Variants in PVT1 observed in about 807,000 individuals in gnomAD.
PVT1 encodes the protein CXCR4/PVT1 fusion.
At chr8:127,977,469 C>T (rs1284891555) in intron 3 of PVT1, among the ~76,000 whole-genome samples, 1 of 152,198 alleles carries the variant, frequency 6.6e-6, no homozygotes, top group Non-Finnish European at 1.5e-5. Flanking sequence ...TGGTGGTTCA[C>T]ACCTGTAATC....
At chr8:127,889,696 T>G (rs1317486760) in intron 2 of PVT1, among the ~76,000 whole-genome samples, 2 of 152,168 alleles carry the variant, frequency 1.3e-5, no homozygotes, top group East Asian at 3.8e-4. Context: ...GGAGACAGAC[T>G]GTCTAGCTTC....
intron 3 of PVT1, among the ~76,000 whole-genome samples, chr8:127,920,527 T>C (rs1174445988): frequency 6.6e-5 from 10 of 152,238 alleles, no homozygotes; most frequent in Non-Finnish European, 1.3e-4. Flanking sequence ...AATGAATTAG[T>C]ACGTTTAAAG....
At chr8:127,953,688 AC>A (rs1215440937) in intron 3 of PVT1, among the ~76,000 whole-genome samples, 1 of 152,186 alleles carries the variant, frequency 6.6e-6, no homozygotes, top group Non-Finnish European at 1.5e-5. Context: ...TTGGGCTGAA[AC>A]CCAGATCTCC....
Position 128,072,234 on chromosome 8 carries a change from G to A in PVT1, n.1114+1873G>A, listed in dbSNP as rs1432582338. 2.0e-5 allele frequency among the ~76,000 whole-genome samples: 3 copies of A among 151,856 alleles called. No individual in the cohort carries two copies. The East Asian group carries it at 5.8e-4, about 29-fold the overall frequency. ...AGAATCAATTTTCAGGTGAAGACTCGGTGACAAAGACCACAAAGACATAGT... is the reference window on the plus strand; with the variant it reads ...AGAATCAATTTTCAGGTGAAGACTCAGTGACAAAGACCACAAAGACATAGT... On this transcript the variant is annotated intron_variant and non_coding_transcript_variant, in intron 5 of 10. Coordinates refer to ENST00000651587, the Ensembl canonical transcript of PVT1.
At chr8:127,798,804 A>AGAC (rs1201928434) in intron 2 of PVT1, among the ~76,000 whole-genome samples, 1 of 151,336 alleles carries the variant, frequency 6.6e-6, no homozygotes, top group South Asian at 2.1e-4. Flanking sequence ...TGAACCCGGG[A>AGAC]GACGGAGTTT....
intron 3 of PVT1, among the ~76,000 whole-genome samples, chr8:127,942,112 A>G (rs537019674): frequency 5.9e-5 from 9 of 152,140 alleles, no homozygotes; most frequent in Admixed American, 1.3e-4. Context: ...AACTCCCTGC[A>G]TGTGGCTCTT....
intron 3 of PVT1, among the ~76,000 whole-genome samples, chr8:127,944,955 A>G (rs1816401674): frequency 6.6e-6 from 1 of 152,200 alleles, no homozygotes; most frequent in African/African-American, 2.4e-5. Context: ...GGCAAAGGAC[A>G]TAGAAAAGCT....
intron 4 of PVT1, among the ~76,000 whole-genome samples, chr8:128,046,431 G>A (rs990883467): frequency 5.3e-5 from 8 of 152,234 alleles, no homozygotes; most frequent in South Asian, 2.1e-4. Flanking sequence ...GCCTGGCTCC[G>A]TAGGCCTCTG....
chr8:128,078,309 C>T (rs2648888), intron 5 of PVT1, among the ~76,000 whole-genome samples: 40,266 of 152,020 alleles, frequency 0.26, 5,720 homozygotes, highest in East Asian at 0.47. Flanking sequence ...CTTAAACTCC[C>T]CTCCTTGTTC....
rs765617313 is a variant in PVT1, at chr8:127,872,370, G to A, written n.373-18219G>A. On this transcript the variant is annotated intron_variant and non_coding_transcript_variant, in intron 2 of 10. Coordinates refer to ENST00000651587, the Ensembl canonical transcript of PVT1. ...GGAGATTGCAGTGAGCTGAGATTGC[G>A]CCACTGCACTCCAGCCTGGGTGGCA... is the stretch of plus-strand genomic sequence containing the variant. Among the ~76,000 whole-genome samples, 23 of 152,282 alleles carry A rather than the reference G, an allele frequency of 1.5e-4. 1 individual carries two copies. The highest frequency in any genetic ancestry group is 3.4e-3 in the Middle Eastern group (1 of 294).
At chr8:127,978,756 G>T (rs1816850759) in intron 3 of PVT1, among the ~76,000 whole-genome samples, 1 of 152,150 alleles carries the variant, frequency 6.6e-6, no homozygotes, top group African/African-American at 2.4e-5. Context: ...AAAGTGCTGG[G>T]ATTACAGGTG....
intron 2 of PVT1, among the ~76,000 whole-genome samples, chr8:127,839,270 G>C (rs1323382325): frequency 6.6e-6 from 1 of 152,124 alleles, no homozygotes; most frequent in African/African-American, 2.4e-5. Context: ...AGGCGGGCTG[G>C]GTGCAGTGGC....
At chr8:128,042,527 C>CA (rs1813557884) in intron 4 of PVT1, among the ~76,000 whole-genome samples, 1 of 152,084 alleles carries the variant, frequency 6.6e-6, no homozygotes, top group Non-Finnish European at 1.5e-5. Context: ...CCATGTCACC[C>CA]AATGTCAAGT....
intron 2 of PVT1, among the ~76,000 whole-genome samples, chr8:127,798,480 A>G (rs1814423565): frequency 6.6e-6 from 1 of 151,976 alleles, no homozygotes; most frequent in African/African-American, 2.4e-5. Flanking sequence ...TCAGAGACAA[A>G]GGGGCCAAGA....
rs754425808 is a variant in PVT1, at chr8:127,991,040, G to A, written n.912+1749G>A. Reference sequence around the variant, plus strand: ...GCATTCATATTACGCATTCATTTTCGTATCATTGTTGAATTTCTCACTTCT... The same window carrying A: ...GCATTCATATTACGCATTCATTTTCATATCATTGTTGAATTTCTCACTTCT... On this transcript the variant is annotated intron_variant and non_coding_transcript_variant, in intron 4 of 10. Transcript: ENST00000651587. Among the ~76,000 whole-genome samples, 13 of 151,788 alleles carry A rather than the reference G, an allele frequency of 8.6e-5. 1 individual carries two copies. The highest frequency in any genetic ancestry group is 2.7e-4 in the African/African-American group (11 of 41,290).
At position 127,954,629 on chromosome 8, in the gene PVT1, C is replaced by T. The variant is rs192761976; in HGVS notation, n.783-34533C>T. 2.4e-3 allele frequency among the ~76,000 whole-genome samples: 363 copies of T among 152,302 alleles called. 2 individuals are homozygous for T. The highest frequency in any genetic ancestry group is 8.1e-3 in the African/African-American group (336 of 41,576). On this transcript the variant is annotated intron_variant and non_coding_transcript_variant, in intron 3 of 10. Transcript: ENST00000651587. ...ACTTCTACCTGTGGGTGTGGTTCAG[C>T]GCCCCCAGTGCCTCTCCCAGGTGGG...
Position 127,984,867 on chromosome 8 carries a change from T to TTCTTTCTTTC in PVT1, n.783-4293_783-4284dup, listed in dbSNP as rs1554602069. 2.1e-3 allele frequency among the ~76,000 whole-genome samples: 150 copies of TTCTTTCTTTC among 73,060 alleles called. 5 individuals carry two copies. The East Asian group carries it at 0.024, about 12-fold the overall frequency. The allele number at this position is 73,060 out of a possible 152,430, so 47.9% of individuals were successfully genotyped here. ...TTTCTTTCTTTCTTTCTTTCTTTCTTTCTTTCTTTCTTTCTTTCTTTCTTT... is the reference window on the plus strand; with the variant it reads ...TTTCTTTCTTTCTTTCTTTCTTTCTTTCTTTCTTTCTCTTTCTTTCTTTCTTTCTTTCTTT... On this transcript the variant is annotated intron_variant and non_coding_transcript_variant, in intron 3 of 10. Transcript: ENST00000651587.
At chr8:127,914,510 G>A (rs1021925399) in intron 3 of PVT1, among the ~76,000 whole-genome samples, 2 of 152,070 alleles carry the variant, frequency 1.3e-5, no homozygotes. Context: ...AGCTTTTACA[G>A]GCATGTGCAC....
chr8:127,843,919 T>G (rs1423465804), intron 2 of PVT1, among the ~76,000 whole-genome samples: 3 of 152,070 alleles, frequency 2.0e-5, no homozygotes, highest in African/African-American at 7.2e-5. Context: ...AGGGGATTGT[T>G]GATATTCTTC....
Sources: gnomAD v4.1 joint callset for allele counts (sites outside exome capture counted in the v4.1 genomes callset) on GRCh38, gnomAD v4.1.1 for gene constraint, MANE v1.5 for transcripts, NCBI Gene and HGNC (gene_info 2026-07-23, HGNC 2026-07-21) for gene names.